SLC39A11: variants seen among roughly 807,000 people sequenced by gnomAD.
SLC39A11 encodes zinc transporter ZIP11.
Under a neutral mutation model 36.1 loss-of-function variants are expected in SLC39A11, and 33 were observed. The ratio of observed to expected loss-of-function variants is 0.91; its 90% CI spans 0.69 to 1.22. The LOEUF is 1.22. Ranked by LOEUF, SLC39A11 falls within the 50% of genes most tolerant of loss-of-function variation. SLC39A11 has a pLI of 0.00. For synonymous variants in SLC39A11, 166 were observed against 170.3 expected (o/e 0.97, Z 0.20); for missense variants, 432 against 430.3 (o/e 1.00, Z -0.03).
At chr17:72,887,266 G>C (rs1215094136) in intron 5 of SLC39A11, among the ~76,000 whole-genome samples, 2 of 152,188 alleles carry the variant, frequency 1.3e-5, no homozygotes, top group Non-Finnish European at 2.9e-5. Flanking sequence ...AACCGCAGTG[G>C]AAAGCTGGAC....
chr17:73,054,376 C>CA (rs797008667), intron 3 of SLC39A11, among the ~76,000 whole-genome samples: 6,685 of 139,466 alleles, frequency 0.048, 409 homozygotes, highest in African/African-American at 0.15. Flanking sequence ...AACAAAAAAA[C>CA]AAAAAAAAAA....
chr17:73,078,451 A>C (rs1042523834), intron 3 of SLC39A11, among the ~76,000 whole-genome samples: 8 of 151,840 alleles, frequency 5.3e-5, no homozygotes, highest in African/African-American at 1.7e-4. Context: ...AGATTTGTTT[A>C]AATAAAACTG....
intron 6 of SLC39A11, among the ~76,000 whole-genome samples, chr17:72,770,181 C>A (rs148716421): frequency 6.9e-4 from 105 of 152,326 alleles, no homozygotes; most frequent in African/African-American, 2.4e-3. Flanking sequence ...GGTTCACAAC[C>A]TTGAGGACAT....
At chr17:72,673,690 C>T (rs2071122848) in intron 7 of SLC39A11, among the ~76,000 whole-genome samples, 1 of 152,088 alleles carries the variant, frequency 6.6e-6, no homozygotes, top group Non-Finnish European at 1.5e-5. Flanking sequence ...TCCATTTGGG[C>T]TCCCCCATAT....
At chr17:72,656,530 G>A (rs56186709) in intron 7 of SLC39A11, among the ~76,000 whole-genome samples, 23,888 of 152,014 alleles carry the variant, frequency 0.16, 2,086 homozygotes, top group Admixed American at 0.21. Context: ...GGAGACGGGG[G>A]AGGCGGGAAG....
At chr17:73,088,626 C>T in intron 2 of SLC39A11, 31 bp downstream of exon 2, 1 of 1,583,008 alleles carries the variant, frequency 6.3e-7, no homozygotes, top group East Asian at 2.3e-5. Flanking sequence ...GGCTCCCCAC[C>T]AACATCCAGA....
At chr17:72,841,175 G>T (rs1225385216) in intron 6 of SLC39A11, among the ~76,000 whole-genome samples, 1 of 152,188 alleles carries the variant, frequency 6.6e-6, no homozygotes, top group Admixed American at 6.5e-5. Flanking sequence ...AATACATATT[G>T]AATACATCAA....
intron 7 of SLC39A11, among the ~76,000 whole-genome samples, chr17:72,654,938 C>T (rs545018046): frequency 5.1e-4 from 77 of 152,340 alleles, no homozygotes; most frequent in Admixed American, 2.8e-3. Context: ...GTCTGGGAGC[C>T]ACCATCCTGA....
At chr17:72,817,700 A>G (rs1359964928) in intron 6 of SLC39A11, among the ~76,000 whole-genome samples, 2 of 152,130 alleles carry the variant, frequency 1.3e-5, no homozygotes, top group African/African-American at 4.8e-5. Flanking sequence ...GTTAGCATCT[A>G]TTTCCCTTTA....
intron 6 of SLC39A11, among the ~76,000 whole-genome samples, chr17:72,807,545 C>T (rs956184380): frequency 1.3e-5 from 2 of 152,120 alleles, no homozygotes; most frequent in Admixed American, 6.5e-5. Context: ...GAATTATCAA[C>T]CCCACCCACT....
chr17:73,075,581 A>G (rs1327686147), intron 3 of SLC39A11, among the ~76,000 whole-genome samples: 91 of 152,200 alleles, frequency 6.0e-4, no homozygotes, highest in African/African-American at 2.0e-3. Context: ...GGCCGGGCGC[A>G]GTGGCTCACG....
intron 4 of SLC39A11, among the ~76,000 whole-genome samples, chr17:72,998,070 G>A (rs1273352968): frequency 1.3e-5 from 2 of 152,156 alleles, no homozygotes; most frequent in South Asian, 2.1e-4. Flanking sequence ...GTTGCACCAC[G>A]GGGTATGTAA....
chr17:72,886,275 T>C (rs2081434154), intron 5 of SLC39A11, among the ~76,000 whole-genome samples: 1 of 152,204 alleles, frequency 6.6e-6, no homozygotes, highest in African/African-American at 2.4e-5. Context: ...CCAACCCCAA[T>C]GTCTTCCATG....
At chr17:72,877,628 T>C (rs918695021) in intron 5 of SLC39A11, among the ~76,000 whole-genome samples, 1 of 152,118 alleles carries the variant, frequency 6.6e-6, no homozygotes, top group African/African-American at 2.4e-5. Flanking sequence ...GCAGGCAATT[T>C]TCCCAGTGAA....
chr17:73,029,258 G>A (rs1357377648), intron 4 of SLC39A11, among the ~76,000 whole-genome samples: 1 of 151,956 alleles, frequency 6.6e-6, no homozygotes, highest in Non-Finnish European at 1.5e-5. Flanking sequence ...CAGTAACATA[G>A]TAAGACCCAC....
chr17:72,696,949 A>T (rs1236529991), intron 7 of SLC39A11, among the ~76,000 whole-genome samples: 1 of 152,168 alleles, frequency 6.6e-6, no homozygotes, highest in Non-Finnish European at 1.5e-5. Flanking sequence ...CCCTGGCCCG[A>T]GACTGCTGAT....
At chr17:72,824,456 T>C (rs915673301) in intron 6 of SLC39A11, among the ~76,000 whole-genome samples, 3 of 151,252 alleles carry the variant, frequency 2.0e-5, no homozygotes, top group Non-Finnish European at 4.4e-5. Flanking sequence ...TGGACTAATA[T>C]AGTAAATTGG....
At chr17:72,959,270 T>C (rs2147895384) in intron 4 of SLC39A11, among the ~76,000 whole-genome samples, 1 of 146,488 alleles carries the variant, frequency 6.8e-6, no homozygotes, top group African/African-American at 2.5e-5. Flanking sequence ...TCAACCCAAA[T>C]GCCCATCAGT....
chr17:72,675,280 G>A (rs1434829097), intron 7 of SLC39A11, among the ~76,000 whole-genome samples: 1 of 152,138 alleles, frequency 6.6e-6, no homozygotes, highest in Non-Finnish European at 1.5e-5. Flanking sequence ...AAACCCCAGT[G>A]AGCTAGCTAG....
Sources: gnomAD v4.1 joint callset for allele counts (sites outside exome capture counted in the v4.1 genomes callset) on GRCh38, gnomAD v4.1.1 for gene constraint, MANE v1.5 for transcripts, NCBI Gene and HGNC (gene_info 2026-07-23, HGNC 2026-07-21) for gene names.